Variants in DOCK4 observed in about 807,000 individuals in gnomAD.
The protein encoded by DOCK4 is dedicator of cytokinesis 4, also known as dedicator of cytokinesis protein 4.
In DOCK4, 97 loss-of-function variants were observed where a neutral mutation model predicts 268.1. The ratio of observed to expected loss-of-function variants is 0.36; its 90% CI spans 0.31 to 0.43. The LOEUF (loss-of-function observed/expected upper bound fraction) is 0.43. DOCK4 is among the 20% of genes least tolerant of loss of function. The pLI is 1.00. For synonymous variants in DOCK4, 954 were observed against 887.2 expected (o/e 1.08, Z -1.34); for missense variants, 2,145 against 2,455.7 (o/e 0.87, Z 2.67).
intron 1 of DOCK4, among the ~76,000 whole-genome samples, chr7:112,009,209 C>T (rs1801096596): frequency 6.6e-6 from 1 of 152,158 alleles, no homozygotes; most frequent in Non-Finnish European, 1.5e-5. Context: ...CATTAAAATG[C>T]TTTGTCTTTT....
At chr7:111,922,615 T>A (rs1469642953) in intron 12 of DOCK4, among the ~76,000 whole-genome samples, 1 of 152,138 alleles carries the variant, frequency 6.6e-6, no homozygotes, top group Non-Finnish European at 1.5e-5. Flanking sequence ...GGAGTCTTAC[T>A]CTGTCGCCCA....
intron 1 of DOCK4, among the ~76,000 whole-genome samples, chr7:112,041,469 C>G (rs1228595971): frequency 6.6e-6 from 1 of 152,152 alleles, no homozygotes; most frequent in Non-Finnish European, 1.5e-5. Context: ...GGGTCTTTGA[C>G]AAACTCACCA....
At chr7:112,135,858 T>C (rs75515837) in intron 1 of DOCK4, among the ~76,000 whole-genome samples, 2 of 152,184 alleles carry the variant, frequency 1.3e-5, no homozygotes, top group Non-Finnish European at 2.9e-5. Context: ...GTGGAATATC[T>C]GAAAGGCCAA....
At chr7:112,085,597 C>A (rs1221714667) in intron 1 of DOCK4, among the ~76,000 whole-genome samples, 1 of 152,068 alleles carries the variant, frequency 6.6e-6, no homozygotes, top group Non-Finnish European at 1.5e-5. Flanking sequence ...GGTAGAAGTT[C>A]TTTATGGAAG....
intron 26 of DOCK4, among the ~76,000 whole-genome samples, chr7:111,832,587 G>A (rs1284724317): frequency 6.6e-6 from 1 of 152,106 alleles, no homozygotes; most frequent in African/African-American, 2.4e-5. Flanking sequence ...GAGTGCAGTG[G>A]TGTGATCTCA....
At chr7:112,177,543 T>C (rs1563160157) in intron 1 of DOCK4, among the ~76,000 whole-genome samples, 1 of 152,166 alleles carries the variant, frequency 6.6e-6, no homozygotes. Flanking sequence ...TTTCCTCACA[T>C]CATTCCTCAA....
At chr7:111,787,059 T>C (rs993083688) in intron 32 of DOCK4, among the ~76,000 whole-genome samples, 8 of 152,198 alleles carry the variant, frequency 5.3e-5, no homozygotes, top group African/African-American at 1.9e-4. Flanking sequence ...AATTATTGGT[T>C]TGATTCTCAT....
At chr7:111,929,294 G>T (rs778417957) in intron 12 of DOCK4, among the ~76,000 whole-genome samples, 42 of 152,048 alleles carry the variant, frequency 2.8e-4, no homozygotes, top group Non-Finnish European at 5.4e-4. Context: ...ATAAATGGAG[G>T]GAGATTATGC....
chr7:111,872,844 G>GAGCTAACT (rs1407580761), intron 17 of DOCK4, among the ~76,000 whole-genome samples: 2 of 152,066 alleles, frequency 1.3e-5, no homozygotes, highest in African/African-American at 4.8e-5. Flanking sequence ...CTGAAATCTC[G>GAGCTAACT]AGCTAACTGT....
chr7:112,040,640 G>A (rs1804268393), intron 1 of DOCK4, among the ~76,000 whole-genome samples: 2 of 152,132 alleles, frequency 1.3e-5, no homozygotes, highest in Admixed American at 1.3e-4. Context: ...TACAGAAGAT[G>A]CCGAGGCACA....
intron 41 of DOCK4, among the ~76,000 whole-genome samples, chr7:111,756,695 T>G (rs1797042751): frequency 6.6e-6 from 1 of 151,964 alleles, no homozygotes; most frequent in Non-Finnish European, 1.5e-5. Context: ...ACCAAGTGTA[T>G]TCCCAAGAGG....
At chr7:112,140,364 C>T (rs185607700) in intron 1 of DOCK4, among the ~76,000 whole-genome samples, 317 of 152,226 alleles carry the variant, frequency 2.1e-3, no homozygotes, top group African/African-American at 6.8e-3. Context: ...ATGATACATT[C>T]GGTCTTCAGC....
intron 7 of DOCK4, among the ~76,000 whole-genome samples, chr7:111,977,786 G>A (rs907808111): frequency 2.6e-5 from 4 of 152,174 alleles, no homozygotes; most frequent in Non-Finnish European, 4.4e-5. Context: ...ATACTAAATT[G>A]TAAAGTTGTG....
intron 26 of DOCK4, among the ~76,000 whole-genome samples, chr7:111,830,908 C>T (rs1371607893): frequency 1.3e-5 from 2 of 152,044 alleles, no homozygotes; most frequent in African/African-American, 4.8e-5. Flanking sequence ...TGGTACTCGA[C>T]CTCCTTGCAG....
intron 8 of DOCK4, chr7:111,953,708 T>C (rs1348398902): frequency 6.6e-6 from 1 of 152,268 alleles, no homozygotes; most frequent in Non-Finnish European, 1.5e-5. Context: ...GGCCTGGCCT[T>C]GCTTAGTTTC....
chr7:111,818,383 C>T (rs1281001256), intron 27 of DOCK4, among the ~76,000 whole-genome samples: 1 of 152,114 alleles, frequency 6.6e-6, no homozygotes, highest in African/African-American at 2.4e-5. Context: ...GAATTCTTCA[C>T]TTCTCTCATC....
intron 5 of DOCK4, among the ~76,000 whole-genome samples, chr7:111,990,999 T>C (rs1329630230): frequency 2.0e-5 from 3 of 152,336 alleles, no homozygotes; most frequent in East Asian, 1.9e-4. Flanking sequence ...AATAAAATTA[T>C]ATAAGCAAGT....
chr7:112,184,264 G>A (rs1563166198), intron 1 of DOCK4, among the ~76,000 whole-genome samples: 1 of 152,202 alleles, frequency 6.6e-6, no homozygotes, highest in Non-Finnish European at 1.5e-5. Flanking sequence ...TCATACATCA[G>A]TGAAAACTGC....
At chr7:112,203,421 T>A (rs1008298455) in intron 1 of DOCK4, among the ~76,000 whole-genome samples, 1 of 152,220 alleles carries the variant, frequency 6.6e-6, no homozygotes, top group African/African-American at 2.4e-5. Flanking sequence ...CTCCGATACA[T>A]TTAATTACAG....
Sources: allele counts gnomAD v4.1 joint callset (sites outside exome capture counted in the v4.1 genomes callset), GRCh38; gene constraint gnomAD v4.1.1; transcripts MANE v1.5; gene names NCBI Gene and HGNC (gene_info 2026-07-23, HGNC 2026-07-21).